ERBB2: variants seen among roughly 807,000 people sequenced by gnomAD.
ERBB2 encodes the protein erb-b2 receptor tyrosine kinase 2, also known as receptor tyrosine-protein kinase erbB-2.
In ERBB2, 61 loss-of-function variants were observed where a neutral mutation model predicts 149.0. That is an observed-to-expected ratio of 0.41 (90% CI 0.33 to 0.51). The LOEUF (loss-of-function observed/expected upper bound fraction) is 0.51, where lower values mean the gene tolerates loss of function less well. ERBB2 is among the 20% of genes least tolerant of loss of function. The probability of loss-of-function intolerance (pLI) is 0.25; values close to 1 mark genes in which losing one functional copy is unlikely to be tolerated. For synonymous variants in ERBB2, 633 were observed against 678.8 expected (o/e 0.93, Z 1.05); for missense variants, 1,205 against 1,655.1 (o/e 0.73, Z 4.72).
chr17:39,696,377 G>GGGCATT (rs766784633), upstream of ERBB2: 3 of 152,316 alleles, frequency 2.0e-5, no homozygotes, highest in Non-Finnish European at 4.4e-5. Flanking sequence ...CACCGGGACT[G>GGGCATT]GGCATTGTCT....
chr17:39,699,653 A>C (rs985813260), upstream of ERBB2: 8 of 1,032,518 alleles, frequency 7.7e-6, no homozygotes, highest in African/African-American at 1.1e-4. Context: ...GAAAACCATT[A>C]TTTGATATTA....
chr17:39,720,621 C>T (rs561599008), intron 16 of ERBB2, among the ~76,000 whole-genome samples: 43 of 152,184 alleles, frequency 2.8e-4, no homozygotes, highest in Admixed American at 7.9e-4. Flanking sequence ...GATCAACACC[C>T]GGGAGCTCCA....
At chr17:39,694,316 CACACACACAT>C (rs2057810678), upstream of ERBB2, among the ~76,000 whole-genome samples, 2 of 82,160 alleles carry the variant, frequency 2.4e-5, no homozygotes, top group African/African-American at 8.9e-5. Context: ...TATATATATA[CACACACACAT>C]ATATATGTGT....
At position 39,725,377 on chromosome 17, in the gene ERBB2, C is replaced by G. The variant is rs370134709; in HGVS notation, c.2700C>G (p.Thr900=). 10 of 1,613,784 alleles carry G rather than the reference C, an allele frequency of 6.2e-6. No homozygotes were observed. In the African/African-American group the frequency reaches 6.7e-5, roughly 11 times the overall value. The change falls in exon 22 of 27, where the codon ACC becomes ACG. Residue 900 remains threonine, a synonymous_variant. Transcript: ENST00000269571. This position sits in a 1 kb window ranked among gnomAD's most constrained non-coding sequence, Gnocchi z 4.6. ...ALESILRRRF[T]HQSDVWSYGV... ...AGTCCATTCTCCGCCGGCGGTTCAC[C>G]CACCAGAGTGATGTGTGGAGTTATG... is the stretch of plus-strand genomic sequence containing the variant.
chr17:39,689,169 C>A lies in ERBB2; in HGVS notation c.-277+369C>A, dbSNP rs2057635586. Among the ~76,000 whole-genome samples the A allele has an allele frequency of 1.3e-5, 2 of 152,170 alleles. 1 individual carries two copies. Among genetic ancestry groups the A allele is most frequent in the South Asian group, 4.1e-4 (2 of 4,828 alleles). ...GGATTCCATTCACTCACTTAACAAA[C>A]ATTTCTGAGTCCTTAGCTCTAGCAC... On this transcript the variant is annotated intron_variant, in intron 2 of 17. Coordinates refer to the ERBB2 transcript ENST00000578199.
At position 39,717,475 on chromosome 17, in the gene ERBB2, C is replaced by T. The variant is rs2059201241; in HGVS notation, c.1893C>T (p.Thr631=). The change falls in exon 15 of 27, where the codon ACC becomes ACT. Residue 631 remains threonine (T), a synonymous_variant. Coordinates refer to ENST00000269571, the MANE Select transcript of ERBB2 (RefSeq NM_004448.4). ...GACQPCPINC[T]HSCVDLDDKG... Reference sequence around the variant, plus strand: ...GCCAGCCTTGCCCCATCAACTGCACCCACTCGTGAGTCCAACGGTCTTTTC... The same window carrying T: ...GCCAGCCTTGCCCCATCAACTGCACTCACTCGTGAGTCCAACGGTCTTTTC... 1.2e-6 allele frequency: 2 copies of T among 1,611,574 alleles called. No homozygotes were observed. The highest frequency in any genetic ancestry group is 2.7e-5 in the African/African-American group (2 of 74,858).
In ERBB2 at chr17:39,727,859, G is replaced by A. The variant is rs867850628; in HGVS notation, c.3583G>A (p.Glu1195Lys). The change falls in exon 27 of 27, where the codon GAG becomes AAG. Residue 1195 changes from glutamate (E) to lysine (K), a missense_variant. Glu to Lys is a moderately conservative substitution (Grantham distance 56). Transcript: ENST00000269571. The surrounding 1 kb of genome is among the most constrained non-coding windows in gnomAD (Gnocchi z 4.3). ...FAFGGAVENP[E>K]YLTPQGGAAP... ...CTTTGGGGGTGCCGTGGAGAACCCC[G>A]AGTACTTGACACCCCAGGGAGGAGC... 5.6e-6 allele frequency: 9 copies of A among 1,613,888 alleles called. No individual in the cohort carries two copies. The African/African-American group carries it at 8.0e-5, about 14-fold the overall frequency.
intron 14 of ERBB2, among the ~76,000 whole-genome samples, 166 bp downstream of exon 14, chr17:39,716,771 C>T (rs929672334): frequency 1.3e-5 from 2 of 152,040 alleles, no homozygotes; most frequent in African/African-American, 4.8e-5. Context: ...GAAAAGGGGC[C>T]TGGGGGACAC....
exon 1 of ERBB2, chr17:39,688,171 C>G (rs2057603552): frequency 1.7e-6 from 1 of 591,556 alleles, no homozygotes; most frequent in Non-Finnish European, 2.5e-6. Context: ...CCTGCCCCGC[C>G]CCTCGTCCCC....
upstream of ERBB2, among the ~76,000 whole-genome samples, chr17:39,697,354 G>GTT (rs60262818): frequency 4.2e-3 from 509 of 122,070 alleles, 14 homozygotes; most frequent in African/African-American, 0.014. Flanking sequence ...TTTTTGTTTT[G>GTT]TTTTTTTTTT....
At chr17:39,691,574 T>TATATATATATATATATATACAC (rs1244087250), upstream of ERBB2, among the ~76,000 whole-genome samples, 4 of 122,048 alleles carry the variant, frequency 3.3e-5, no homozygotes, top group African/African-American at 1.2e-4. Context: ...TATATATATA[T>TATATATATATATATATATACAC]ACACACACAC....
upstream of ERBB2, among the ~76,000 whole-genome samples, chr17:39,699,776 T>C (rs183286652): frequency 6.6e-4 from 101 of 152,318 alleles, no homozygotes; most frequent in Admixed American, 4.2e-3. Context: ...TATCCCGGAC[T>C]CCGGGGGAGG....
upstream of ERBB2, among the ~76,000 whole-genome samples, chr17:39,696,958 T>C (rs1466936844): frequency 6.6e-6 from 1 of 152,126 alleles, no homozygotes; most frequent in Non-Finnish European, 1.5e-5. Flanking sequence ...AACCAGTGAC[T>C]CCTGGAGCCA....
In ERBB2 at chr17:39,707,052, C is replaced by G; in HGVS notation, c.136C>G (p.Leu46Val). ...PASPETHLDM[L>V]RHLYQGCQVV... ...CAGTCCCGAGACCCACCTGGACATG[C>G]TCCGCCACCTCTACCAGGGCTGCCA... is the stretch of plus-strand genomic sequence containing the variant. The change falls in exon 2 of 27, where the codon CTC becomes GTC. Residue 46 changes from leucine to valine, a missense_variant. Leu to Val is a conservative substitution (Grantham distance 32, BLOSUM62 1). Transcript: ENST00000269571. The G allele has an allele frequency of 6.2e-7, 1 of 1,608,050 alleles. No individual in the cohort carries two copies. Among genetic ancestry groups the G allele is most frequent in the Non-Finnish European group, 8.5e-7 (1 of 1,177,468 alleles).
At chr17:39,700,923 G>A (rs2058070082) in intron 1 of ERBB2, among the ~76,000 whole-genome samples, 1 of 151,722 alleles carries the variant, frequency 6.6e-6, no homozygotes, top group South Asian at 2.1e-4. Flanking sequence ...TGGGGTCTGG[G>A]TTGGGGGCGG....
Position 39,700,163 on chromosome 17 carries a change from C to A in ERBB2, c.-76C>A. 7.5e-7 allele frequency: 1 copy of A among 1,335,158 alleles called. No individual in the cohort carries two copies. Among genetic ancestry groups the A allele is most frequent in the South Asian group, 2.0e-5 (1 of 48,840 alleles). The allele number at this position is 1,335,158 out of a possible 1,614,324, so 82.7% of individuals were successfully genotyped here. A position where few individuals can be genotyped will look rare whatever the true frequency, so the allele number is the denominator to read the frequency against. On this transcript the variant is annotated 5_prime_UTR_variant, in exon 1 of 27. Coordinates refer to ENST00000269571, the MANE Select transcript of ERBB2 (RefSeq NM_004448.4). ...TGCGCCGCGCGCCCGGCCCCCACCCCTCGCAGCACCCCGCGCCCCGCGCCC... is the reference window on the plus strand; with the variant it reads ...TGCGCCGCGCGCCCGGCCCCCACCCATCGCAGCACCCCGCGCCCCGCGCCC...
rs920792523 is a variant in ERBB2, at chr17:39,715,924, C to G, written c.1498C>G (p.Pro500Ala). 4 of 1,610,108 alleles carry G rather than the reference C, an allele frequency of 2.5e-6. No individual in the cohort carries two copies. Among genetic ancestry groups the G allele is most frequent in the Non-Finnish European group, 3.4e-6 (4 of 1,179,972 alleles). ...HQALLHTANR[P>A]EDECVGEGLA... is the part of the protein sequence containing the mutation. ...AGCTCTGCTCCACACTGCCAACCGGCCAGAGGACGAGTGTGGTAAGACAGG... is the reference window on the plus strand; with the variant it reads ...AGCTCTGCTCCACACTGCCAACCGGGCAGAGGACGAGTGTGGTAAGACAGG... The change falls in exon 12 of 27, where the codon CCA becomes GCA. Residue 500 changes from proline (P) to alanine (A), a missense_variant. Coordinates refer to ENST00000269571, the MANE Select transcript of ERBB2 (RefSeq NM_004448.4).
At chr17:39,716,052 C>A in intron 12 of ERBB2, 113 bp downstream of exon 12, 2 of 1,164,422 alleles carry the variant, frequency 1.7e-6, no homozygotes, top group Non-Finnish European at 2.4e-6. Context: ...CTCTGTGCAC[C>A]CTTCTTGACT....
chr17:39,691,576 C>T (rs370268763), upstream of ERBB2, among the ~76,000 whole-genome samples: 5,220 of 121,434 alleles, frequency 0.043, 248 homozygotes, highest in East Asian at 0.2. Flanking sequence ...TATATATATA[C>T]ACACACACAC....
Sources: allele counts gnomAD v4.1 joint callset (sites outside exome capture counted in the v4.1 genomes callset), GRCh38; gene constraint gnomAD v4.1.1; non-coding constraint Gnocchi (gnomAD v3.1); transcripts MANE v1.5; gene names NCBI Gene and HGNC (gene_info 2026-07-23, HGNC 2026-07-21).